The following CTXND1 variants were observed in gnomAD, a reference collection of about 807,000 sequenced individuals.
The protein encoded by CTXND1 is cortexin domain containing 1, also known as cortexin domain-containing 1 protein.
At chr15:80,247,798 C>T (rs1033275702) in intron 1 of CTXND1, among the ~76,000 whole-genome samples, 10 of 151,550 alleles carry the variant, frequency 6.6e-5, no homozygotes, top group African/African-American at 2.2e-4. Flanking sequence ...TGTTCTTCTG[C>T]AGACACTGAG....
intron 1 of CTXND1, among the ~76,000 whole-genome samples, chr15:80,222,364 G>C (rs1353575975): frequency 3.9e-5 from 6 of 151,924 alleles, no homozygotes; most frequent in Non-Finnish European, 8.8e-5. Flanking sequence ...CAAATCCCAG[G>C]TAACATATCA....
At chr15:80,241,451 G>A (rs41460547) in intron 1 of CTXND1, among the ~76,000 whole-genome samples, 44 of 152,104 alleles carry the variant, frequency 2.9e-4, no homozygotes, top group Admixed American at 7.2e-4. Flanking sequence ...CTTTCAGGAC[G>A]ACCTTCAAGT....
chr15:80,219,836 C>T (rs1009837481), intron 1 of CTXND1, among the ~76,000 whole-genome samples: 1 of 152,076 alleles, frequency 6.6e-6, no homozygotes, highest in African/African-American at 2.4e-5. Flanking sequence ...TTATAAATTA[C>T]TATGTTAATT....
rs1595901781 is a variant in CTXND1, at chr15:80,198,310, A to G, written c.*3460T>C. The stretch of plus-strand genomic sequence containing the variant: ...GCCACTAGGCACCATTGCCTGGAAA[A>G]CCCACCACCCATTCTCTGCTTTGGA... On this transcript the variant is annotated 3_prime_UTR_variant, in exon 3 of 3. Coordinates refer to ENST00000560778, the MANE Select transcript of CTXND1 (RefSeq NM_001352888.2). The G allele has an allele frequency of 1.3e-5, 2 of 152,130 alleles. No individual in the cohort carries two copies. The highest frequency in any genetic ancestry group is 2.9e-5 in the Non-Finnish European group (2 of 68,084). The allele number at this position is 152,130 out of a possible 1,614,324, so 9.4% of individuals were successfully genotyped here. A position where few individuals can be genotyped will look rare whatever the true frequency, so the allele number is the denominator to read the frequency against.
At chr15:80,226,511 C>T (rs573990794) in intron 1 of CTXND1, among the ~76,000 whole-genome samples, 2 of 152,328 alleles carry the variant, frequency 1.3e-5, no homozygotes, top group East Asian at 1.9e-4. Context: ...AAATGCTCTG[C>T]CTCATTTAGG....
chr15:80,228,179 C>T (rs1160423134), intron 1 of CTXND1, among the ~76,000 whole-genome samples: 1 of 152,234 alleles, frequency 6.6e-6, no homozygotes, highest in Non-Finnish European at 1.5e-5. Context: ...TTCTAGTTCT[C>T]TTGCTATTTC....
chr15:80,232,346 G>T (rs549625215), intron 1 of CTXND1, among the ~76,000 whole-genome samples: 5 of 152,138 alleles, frequency 3.3e-5, no homozygotes, highest in Non-Finnish European at 7.3e-5. Context: ...GATCAGACTC[G>T]TGGCCAAAGA....
intron 1 of CTXND1, among the ~76,000 whole-genome samples, chr15:80,247,957 AC>A (rs1353397107): frequency 2.0e-5 from 3 of 152,126 alleles, no homozygotes; most frequent in African/African-American, 7.2e-5. Flanking sequence ...AAGTCAATTG[AC>A]CTAGCGAAAA....
chr15:80,208,067 G>A (rs1432072162), intron 1 of CTXND1, among the ~76,000 whole-genome samples: 1 of 152,200 alleles, frequency 6.6e-6, no homozygotes, highest in Non-Finnish European at 1.5e-5. Flanking sequence ...CCAGGCTTGA[G>A]GATGAGGAAA....
chr15:80,247,315 T>A (rs1893643669), intron 1 of CTXND1, among the ~76,000 whole-genome samples: 2 of 152,150 alleles, frequency 1.3e-5, no homozygotes, highest in South Asian at 4.1e-4. Context: ...CTCATCCCCA[T>A]CAACTATGCT....
intron 1 of CTXND1, among the ~76,000 whole-genome samples, chr15:80,237,991 AGAGT>A (rs1893520495): frequency 7.4e-6 from 1 of 134,566 alleles, no homozygotes; most frequent in Non-Finnish European, 1.5e-5. Context: ...CCTGGGAGAC[AGAGT>A]GAGACTCCAT....
intron 1 of CTXND1, among the ~76,000 whole-genome samples, chr15:80,250,344 T>TC (rs999856003): frequency 2.0e-5 from 3 of 152,146 alleles, no homozygotes; most frequent in African/African-American, 7.2e-5. Context: ...TTTTTTTTTT[T>TC]CAGGCCAATT....
At chr15:80,242,425 G>A (rs1362108673) in intron 1 of CTXND1, among the ~76,000 whole-genome samples, 3 of 152,228 alleles carry the variant, frequency 2.0e-5, no homozygotes, top group Non-Finnish European at 4.4e-5. Flanking sequence ...CCCGTCTGGC[G>A]CCTCCTCAAC....
intron 1 of CTXND1, among the ~76,000 whole-genome samples, chr15:80,204,203 CAAACACAT>C (rs1490480183): frequency 0.065 from 2,198 of 33,752 alleles, 330 homozygotes; most frequent in South Asian, 0.091. Flanking sequence ...TATATATACA[CAAACACAT>C]ACACACATGC....
chr15:80,195,694 G>A lies in CTXND1; in HGVS notation c.*6076C>T, dbSNP rs1361005380. ...ATTAATCCATTCACTCCGCCCTCATGGCCTAATCACCTCTCATTGGGCCCC... is the reference window on the plus strand; with the variant it reads ...ATTAATCCATTCACTCCGCCCTCATAGCCTAATCACCTCTCATTGGGCCCC... On this transcript the variant is annotated 3_prime_UTR_variant, in exon 3 of 3. Transcript: ENST00000560778. 2.0e-5 allele frequency: 3 copies of A among 152,276 alleles called. No homozygotes were observed. In the South Asian group the frequency reaches 6.2e-4, roughly 32 times the overall value. 9.4% of individuals were successfully genotyped at this position (152,276 alleles called of 1,614,324 possible). A position where few individuals can be genotyped will look rare whatever the true frequency, so the allele number is the denominator to read the frequency against.
chr15:80,237,336 G>GAAAAAAAA (rs201997173), intron 1 of CTXND1, among the ~76,000 whole-genome samples: 2 of 101,562 alleles, frequency 2.0e-5, no homozygotes, highest in Non-Finnish European at 4.0e-5. Context: ...CAGTGTCTCA[G>GAAAAAAAA]AAAAAAAAAA....
intron 1 of CTXND1, among the ~76,000 whole-genome samples, chr15:80,223,652 G>A (rs188934624): frequency 6.6e-6 from 1 of 152,128 alleles, no homozygotes; most frequent in East Asian, 1.9e-4. Flanking sequence ...CATGGTGGAT[G>A]GACAAATTGA....
chr15:80,212,329 A>C (rs1180798054), intron 1 of CTXND1, among the ~76,000 whole-genome samples: 3 of 152,234 alleles, frequency 2.0e-5, no homozygotes, highest in African/African-American at 7.2e-5. Context: ...AGGTAGATGA[A>C]TATCAGTTTT....
chr15:80,243,663 C>T (rs1265126286), intron 1 of CTXND1, among the ~76,000 whole-genome samples: 3 of 152,162 alleles, frequency 2.0e-5, no homozygotes, highest in Non-Finnish European at 4.4e-5. Context: ...TCTCCTTGTA[C>T]CCCAAGGGTA....
Sources: gnomAD v4.1 joint callset for allele counts (sites outside exome capture counted in the v4.1 genomes callset) on GRCh38, gnomAD v4.1.1 for gene constraint, MANE v1.5 for transcripts, NCBI Gene and HGNC (gene_info 2026-07-23, HGNC 2026-07-21) for gene names.